IL1R1: variants seen among roughly 807,000 people sequenced by gnomAD.
IL1R1 encodes the protein interleukin-1 receptor type 1.
IL1R1 carries 22 observed loss-of-function variants against 50.2 expected under a neutral mutation model. The ratio of observed to expected loss-of-function variants is 0.44; its 90% confidence interval spans 0.31 to 0.63. IL1R1 has a LOEUF of 0.63. IL1R1 is among the 20% of genes least tolerant of loss of function. The pLI is 0.07. For missense variants in IL1R1, 509 were observed against 676.2 expected (o/e 0.75, Z 2.74); for synonymous variants, 251 against 236.7 (o/e 1.06, Z -0.55).
intron 1 of IL1R1, among the ~76,000 whole-genome samples, chr2:102,134,598 G>C (rs13390949): frequency 0.16 from 23,558 of 151,920 alleles, 1,997 homozygotes; most frequent in South Asian, 0.21. Flanking sequence ...GGCTGGTCTC[G>C]AGCTCCCGAG....
intron 10 of IL1R1, 121 bp downstream of exon 10, chr2:102,174,851 A>G (rs2104643787): frequency 1.4e-6 from 1 of 692,686 alleles, no homozygotes; most frequent in South Asian, 2.1e-5. Flanking sequence ...GGCATATACA[A>G]GAATACTAGT....
At chr2:102,159,596 TTG>T (rs1684515622) in intron 3 of IL1R1, among the ~76,000 whole-genome samples, 1 of 152,196 alleles carries the variant, frequency 6.6e-6, no homozygotes, top group African/African-American at 2.4e-5. Context: ...CTTTAGGCAG[TTG>T]TAAAAAACAA....
chr2:102,162,281 A>G lies in IL1R1; in HGVS notation c.62-2493A>G, dbSNP rs74856058. ...AATCTATTTTTACCTTTATTTATAAAATGTCTGTATGTAGGTGTATGTGTT... is the reference window on the plus strand; with the variant it reads ...AATCTATTTTTACCTTTATTTATAAGATGTCTGTATGTAGGTGTATGTGTT... On this transcript the variant is annotated intron_variant, in intron 3 of 11. Transcript: ENST00000410023. Among the ~76,000 whole-genome samples, 35 of 152,206 alleles carry G rather than the reference A, an allele frequency of 2.3e-4. 1 individual carries two copies. In the East Asian group the frequency reaches 6.0e-3, roughly 26 times the overall value.
chr2:102,166,255 C>T lies in IL1R1; in HGVS notation c.629C>T (p.Thr210Ile). 6.2e-7 allele frequency: 1 copy of T among 1,613,328 alleles called. No individual in the cohort carries two copies. ...YTYLGKQYPI[T>I]RVIEFITLEE... ...TACTTGGGCAAGCAATATCCTATTA[C>T]CCGGGTAATAGAATTTATTACTCTA... The change falls in exon 6 of 12, where the codon ACC becomes ATC. Residue 210 changes from threonine (T) to isoleucine (I), a missense_variant. By Grantham distance (89) the Thr-to-Ile change is moderately conservative. Coordinates refer to ENST00000410023, the MANE Select transcript of IL1R1 (RefSeq NM_000877.4).
intron 1 of IL1R1, among the ~76,000 whole-genome samples, chr2:102,087,633 GT>G (rs940272615): frequency 6.6e-6 from 1 of 152,112 alleles, no homozygotes; most frequent in Non-Finnish European, 1.5e-5. Context: ...AGGTTTGATG[GT>G]TTAAAGGTGT....
At chr2:102,114,496 A>G (rs1367372457) in intron 1 of IL1R1, among the ~76,000 whole-genome samples, 1 of 151,390 alleles carries the variant, frequency 6.6e-6, no homozygotes, top group African/African-American at 2.4e-5. Flanking sequence ...ACCTGCCATG[A>G]CAACCTCTTT....
At chr2:102,171,045 GA>G (rs2104612681) in intron 7 of IL1R1, among the ~76,000 whole-genome samples, 1 of 152,346 alleles carries the variant, frequency 6.6e-6, no homozygotes, top group South Asian at 2.1e-4. Flanking sequence ...CTGAGTGACA[GA>G]GCGAGACTGT....
At chr2:102,118,996 C>T (rs890542356) in intron 1 of IL1R1, among the ~76,000 whole-genome samples, 1 of 103,748 alleles carries the variant, frequency 9.6e-6, no homozygotes, top group Non-Finnish European at 1.7e-5. Context: ...CCAGCTTGGG[C>T]AACACAGTGA....
chr2:102,122,826 G>A (rs997100101), intron 1 of IL1R1, among the ~76,000 whole-genome samples: 1 of 152,170 alleles, frequency 6.6e-6, no homozygotes, highest in African/African-American at 2.4e-5. Flanking sequence ...GATGTTCAGA[G>A]CTAAACACTT....
intron 6 of IL1R1, among the ~76,000 whole-genome samples, chr2:102,168,180 T>C (rs1685365569): frequency 6.6e-6 from 1 of 152,226 alleles, no homozygotes; most frequent in South Asian, 2.1e-4. Flanking sequence ...GTTCTCACTA[T>C]TGGGTCATTA....
chr2:102,095,255 C>T (rs1337984215), intron 1 of IL1R1, among the ~76,000 whole-genome samples: 1 of 152,132 alleles, frequency 6.6e-6, no homozygotes, highest in Non-Finnish European at 1.5e-5. Context: ...AAACAAAACA[C>T]TCAACTTGTG....
At chr2:102,171,991 A>T in intron 8 of IL1R1, 73 bp downstream of exon 8, 1 of 646,586 alleles carries the variant, frequency 1.5e-6, no homozygotes, top group Non-Finnish European at 2.4e-6. Context: ...TTGTCGGTTC[A>T]GTTTAAAAGC....
At chr2:102,078,129 T>C (rs181866441) in intron 1 of IL1R1, among the ~76,000 whole-genome samples, 131 of 152,176 alleles carry the variant, frequency 8.6e-4, no homozygotes, top group Admixed American at 2.0e-3. Flanking sequence ...GGATCTTAAA[T>C]GACTTATCAT....
intron 1 of IL1R1, among the ~76,000 whole-genome samples, chr2:102,112,311 CGTGTGTGT>C (rs146015817): frequency 1.1e-4 from 16 of 148,024 alleles, no homozygotes; most frequent in Admixed American, 6.7e-4. Context: ...TGGGGATTAA[CGTGTGTGT>C]GTGTGTGTGT....
chr2:102,088,851 G>A (rs1237807956), intron 1 of IL1R1, among the ~76,000 whole-genome samples: 1 of 152,178 alleles, frequency 6.6e-6, no homozygotes, highest in African/African-American at 2.4e-5. Flanking sequence ...TTATGGAGAT[G>A]GCGTCTTTCC....
intron 1 of IL1R1, among the ~76,000 whole-genome samples, chr2:102,134,310 A>G (rs1682215555): frequency 1.3e-5 from 2 of 151,874 alleles, no homozygotes; most frequent in African/African-American, 4.8e-5. Flanking sequence ...CAGTCTGTTC[A>G]GGGTCTTTCC....
intron 1 of IL1R1, among the ~76,000 whole-genome samples, chr2:102,147,798 C>T (rs142040434): frequency 2.0e-5 from 3 of 152,270 alleles, no homozygotes; most frequent in Admixed American, 6.5e-5. Context: ...TGTGGCTTTT[C>T]GCCTTGTATT....
intron 1 of IL1R1, among the ~76,000 whole-genome samples, chr2:102,119,246 A>T (rs1004548): frequency 0.4 from 60,190 of 151,946 alleles, 12,710 homozygotes; most frequent in East Asian, 0.46. Flanking sequence ...TAAGTTCTTT[A>T]TTGCACTTCA....
At chr2:102,137,614 C>T (rs1682418583) in intron 1 of IL1R1, among the ~76,000 whole-genome samples, 1 of 152,082 alleles carries the variant, frequency 6.6e-6, no homozygotes, top group South Asian at 2.1e-4. Context: ...TCTAAGAGTC[C>T]CAGGAAGAAC....
Sources: gnomAD v4.1 joint callset for allele counts (sites outside exome capture counted in the v4.1 genomes callset) on GRCh38, gnomAD v4.1.1 for gene constraint, MANE v1.5 for transcripts, NCBI Gene and HGNC (gene_info 2026-07-23, HGNC 2026-07-21) for gene names.